The following CPQ variants were observed in gnomAD, a reference collection of about 807,000 sequenced individuals.
CPQ encodes carboxypeptidase Q, also known as Ser-Met dipeptidase.
A neutral mutation model predicts 45.7 loss-of-function variants in CPQ; 37 were observed. That is an observed-to-expected ratio of 0.81 (90% confidence interval 0.62 to 1.07). CPQ has a LOEUF of 1.07. Among genes scored for constraint, CPQ ranks in the 50% least tolerant of loss-of-function variants. The probability of loss-of-function intolerance (pLI) is 0.00; values close to 1 mark genes in which losing one functional copy is unlikely to be tolerated. For synonymous variants in CPQ, 186 were observed against 205.8 expected, an observed-to-expected ratio of 0.90 and a Z score of 0.82; for missense variants, 537 against 572.9, an observed-to-expected ratio of 0.94 and a Z score of 0.64.
chr8:96,808,302 G>C (rs1052837631), intron 2 of CPQ, among the ~76,000 whole-genome samples: 1 of 152,116 alleles, frequency 6.6e-6, no homozygotes. Flanking sequence ...GTGACGTGAA[G>C]CTTGGTAGTT....
intron 1 of CPQ, among the ~76,000 whole-genome samples, chr8:96,740,062 A>AT (rs1211965343): frequency 3.2e-4 from 48 of 152,032 alleles, no homozygotes; most frequent in African/African-American, 1.1e-3. Context: ...CAGTATGGCC[A>AT]TTTTCATGAT....
At chr8:97,048,233 G>A (rs2513397) in intron 6 of CPQ, among the ~76,000 whole-genome samples, 50,175 of 152,106 alleles carry the variant, frequency 0.33, 10,204 homozygotes, top group East Asian at 0.5. Context: ...GATTGGAGGA[G>A]CAATTATAAA....
chr8:96,731,019 AG>A (rs755157190), intron 1 of CPQ, among the ~76,000 whole-genome samples: 111 of 151,792 alleles, frequency 7.3e-4, no homozygotes, highest in Non-Finnish European at 1.4e-3. Flanking sequence ...CTGGCTGAGT[AG>A]GCACCATTTG....
chr8:96,993,094 T>C (rs1809121900), intron 5 of CPQ, among the ~76,000 whole-genome samples: 1 of 152,200 alleles, frequency 6.6e-6, no homozygotes, highest in Non-Finnish European at 1.5e-5. Context: ...GCTTGTTCAT[T>C]AAAAACACCT....
intron 7 of CPQ, among the ~76,000 whole-genome samples, chr8:97,142,012 C>CTAGT (rs1312704429): frequency 1.3e-5 from 2 of 152,102 alleles, no homozygotes; most frequent in Admixed American, 1.3e-4. Flanking sequence ...GCAAGACAGG[C>CTAGT]TAGTGGGTAC....
chr8:96,759,208 C>G (rs1810366478), intron 1 of CPQ, among the ~76,000 whole-genome samples: 1 of 152,144 alleles, frequency 6.6e-6, no homozygotes, highest in South Asian at 2.1e-4. Flanking sequence ...GCTCACCTTG[C>G]TCCATCCCTG....
intron 4 of CPQ, among the ~76,000 whole-genome samples, chr8:96,896,288 A>C (rs957687659): frequency 3.9e-5 from 6 of 152,122 alleles, no homozygotes; most frequent in African/African-American, 1.4e-4. Flanking sequence ...CTATTTTAAA[A>C]AGGCATGGCT....
intron 7 of CPQ, among the ~76,000 whole-genome samples, chr8:97,069,422 G>A (rs1487183218): frequency 6.6e-6 from 1 of 150,514 alleles, no homozygotes; most frequent in Admixed American, 6.6e-5. Flanking sequence ...CTTGAGGCCA[G>A]GAGTTTAAGA....
At chr8:96,758,025 T>C (rs748617079) in intron 1 of CPQ, among the ~76,000 whole-genome samples, 3 of 152,242 alleles carry the variant, frequency 2.0e-5, no homozygotes, top group Non-Finnish European at 4.4e-5. Context: ...TGGATTTAGG[T>C]GAATTAATAC....
At chr8:97,027,805 T>C (rs1809827773) in intron 5 of CPQ, among the ~76,000 whole-genome samples, 1 of 152,228 alleles carries the variant, frequency 6.6e-6, no homozygotes. Context: ...TTACAATGAA[T>C]AAAAAGCATA....
chr8:96,982,812 T>C (rs1259084414), intron 5 of CPQ, among the ~76,000 whole-genome samples: 2 of 152,220 alleles, frequency 1.3e-5, no homozygotes, highest in Non-Finnish European at 2.9e-5. Context: ...CTATTACTCC[T>C]TTGACAGATG....
rs577063088 is a variant in CPQ, at chr8:96,890,115, C to G, written c.849+10110C>G. Among the ~76,000 whole-genome samples the G allele has an allele frequency of 2.0e-3, 305 of 152,208 alleles. 2 individuals carry two copies. The highest frequency in any genetic ancestry group is 6.8e-3 in the African/African-American group (282 of 41,508). ...TAATACAGCTATCTCTTGTGCAACC[C>G]GGAGCACACTAATTGTTAACCTAAA... On this transcript the variant is annotated intron_variant, in intron 4 of 7. Coordinates refer to ENST00000220763, the MANE Select transcript of CPQ (RefSeq NM_016134.4).
chr8:96,864,035 A>G lies in CPQ; in HGVS notation c.642-15763A>G, dbSNP rs1811964536. ...CTACATAGTAACTGCTATCACTGGT[A>G]ATAGCCAGTATTACTTTTGTCTGGA... On this transcript the variant is annotated intron_variant, in intron 3 of 7. Coordinates refer to ENST00000220763, the MANE Select transcript of CPQ (RefSeq NM_016134.4). 2.0e-5 allele frequency among the ~76,000 whole-genome samples: 3 copies of G among 152,078 alleles called. No homozygotes were observed. The South Asian group carries it at 6.2e-4, about 31-fold the overall frequency.
chr8:96,963,108 C>T (rs968423725), intron 4 of CPQ, among the ~76,000 whole-genome samples: 12 of 152,128 alleles, frequency 7.9e-5, no homozygotes, highest in East Asian at 3.9e-4. Context: ...GAAGTATGAT[C>T]GTAAACAACT....
At chr8:96,757,316 A>G (rs1162862429) in intron 1 of CPQ, among the ~76,000 whole-genome samples, 2 of 150,744 alleles carry the variant, frequency 1.3e-5, no homozygotes, top group Admixed American at 6.6e-5. Flanking sequence ...ACGCCACTGT[A>G]CTCCAGCATG....
rs142901779 is a variant in CPQ, at chr8:96,765,724, C to T, written c.-34-19140C>T. 3.4e-3 allele frequency among the ~76,000 whole-genome samples: 510 copies of T among 152,234 alleles called. 7 individuals are homozygous for T. The highest frequency in any genetic ancestry group is 0.012 in the African/African-American group (485 of 41,540). ...CACTCTTTTCCATTTTGCTAAGCAC[C>T]TGGTTAAATTAAAATTCCAAACAGT... On this transcript the variant is annotated intron_variant, in intron 1 of 7. Transcript: ENST00000220763.
At chr8:96,956,025 G>A (rs1295943064) in intron 4 of CPQ, among the ~76,000 whole-genome samples, 3 of 152,070 alleles carry the variant, frequency 2.0e-5, no homozygotes, top group Non-Finnish European at 4.4e-5. Flanking sequence ...TCGACAAATG[G>A]GATCTAATTA....
intron 7 of CPQ, among the ~76,000 whole-genome samples, chr8:97,116,290 A>G (rs1328083722): frequency 6.6e-6 from 1 of 152,220 alleles, no homozygotes; most frequent in Non-Finnish European, 1.5e-5. Flanking sequence ...TGTGACAGTC[A>G]GGGAGAATGT....
intron 1 of CPQ, among the ~76,000 whole-genome samples, chr8:96,738,830 T>C (rs1352239464): frequency 2.6e-5 from 4 of 152,202 alleles, no homozygotes; most frequent in African/African-American, 7.2e-5. Flanking sequence ...ATGGTGTATA[T>C]GTGCCACATT....
Sources: gnomAD v4.1 joint callset for allele counts (sites outside exome capture counted in the v4.1 genomes callset) on GRCh38, gnomAD v4.1.1 for gene constraint, MANE v1.5 for transcripts, NCBI Gene and HGNC (gene_info 2026-07-23, HGNC 2026-07-21) for gene names.